MAGI2: variants seen among roughly 807,000 people sequenced by gnomAD.
MAGI2 encodes membrane associated guanylate kinase, WW and PDZ domain containing 2, also known as membrane-associated guanylate kinase, WW and PDZ domain-containing protein 2.
In MAGI2, 35 loss-of-function variants were observed where a neutral mutation model predicts 133.3. That is an observed-to-expected ratio of 0.26 (90% CI 0.20 to 0.35). The LOEUF (loss-of-function observed/expected upper bound fraction) is 0.35. Ranked by LOEUF, MAGI2 falls within the 10% of genes least tolerant of loss-of-function variation. MAGI2 has a pLI of 1.00. For synonymous variants in MAGI2, 729 were observed against 710.6 expected, an observed-to-expected ratio of 1.03 and a Z score of -0.41; for missense variants, 1,636 against 1,863.4, an observed-to-expected ratio of 0.88 and a Z score of 2.25.
intron 1 of MAGI2, among the ~76,000 whole-genome samples, chr7:79,369,500 T>C (rs1842929038): frequency 6.6e-6 from 1 of 152,144 alleles, no homozygotes; most frequent in African/African-American, 2.4e-5. Context: ...TATAAAAACC[T>C]GTTGTAGAGA....
rs1053087195 is a variant in MAGI2, at chr7:78,382,888, C to G, written c.1046-13675G>C. On this transcript the variant is annotated intron_variant, in intron 6 of 21. Coordinates refer to ENST00000354212, the MANE Select transcript of MAGI2 (RefSeq NM_012301.4). ...TGTCTTTTTGTGCTGGCTTACTCCA[C>G]GTAAGATAATGACCTCAAGTTCCAT... is the stretch of plus-strand genomic sequence containing the variant. Among the ~76,000 whole-genome samples, 6 of 152,056 alleles carry G rather than the reference C, an allele frequency of 3.9e-5. No homozygotes were observed. The South Asian group carries it at 6.2e-4, about 16-fold the overall frequency.
intron 2 of MAGI2, among the ~76,000 whole-genome samples, chr7:78,809,824 C>A (rs1442176087): frequency 6.6e-6 from 1 of 152,092 alleles, no homozygotes; most frequent in Admixed American, 6.5e-5. Context: ...TTGACTTAAA[C>A]AGATTGTTTG....
Position 79,107,932 on chromosome 7 carries a change from G to A in MAGI2, c.302-100726C>T, listed in dbSNP as rs1241404532. On this transcript the variant is annotated intron_variant, in intron 1 of 21. Transcript: ENST00000354212. Reference sequence around the variant, plus strand: ...TATACCCACAGATTCTAATTCTATGGTTTAAACTTCTGGAAGATAAAAGTT... The same window carrying A: ...TATACCCACAGATTCTAATTCTATGATTTAAACTTCTGGAAGATAAAAGTT... Among the ~76,000 whole-genome samples, 3 of 152,136 alleles carry A rather than the reference G, an allele frequency of 2.0e-5. No homozygotes were observed. The South Asian group carries it at 6.3e-4, about 32-fold the overall frequency.
Position 78,291,487 on chromosome 7 carries a change from G to A in MAGI2, c.1409-34906C>T, listed in dbSNP as rs944086737. Among the ~76,000 whole-genome samples, 5 of 152,046 alleles carry A rather than the reference G, an allele frequency of 3.3e-5. No homozygotes were observed. In the South Asian group the frequency reaches 6.2e-4, roughly 19 times the overall value. The stretch of plus-strand genomic sequence containing the variant: ...TCCAGGACCAGATGGATTCACAGCC[G>A]AATTCTACCAGAGGTACAAGGAGGA... On this transcript the variant is annotated intron_variant, in intron 9 of 21. Transcript: ENST00000354212.
chr7:78,219,108 C>T (rs1788550531), intron 10 of MAGI2, among the ~76,000 whole-genome samples: 1 of 152,256 alleles, frequency 6.6e-6, no homozygotes, highest in South Asian at 2.1e-4. Context: ...GGAGAACGTG[C>T]CTCGTCTACC....
intron 1 of MAGI2, among the ~76,000 whole-genome samples, chr7:79,295,825 T>C (rs1027190671): frequency 7.2e-5 from 11 of 152,070 alleles, no homozygotes; most frequent in Non-Finnish European, 1.3e-4. Flanking sequence ...ATTAGATATA[T>C]CATAATTTTA....
chr7:78,249,761 G>C (rs564930532), intron 10 of MAGI2, among the ~76,000 whole-genome samples: 2 of 152,074 alleles, frequency 1.3e-5, no homozygotes, highest in African/African-American at 4.8e-5. Flanking sequence ...GTTACTGTTA[G>C]GAGAAAATAG....
intron 13 of MAGI2, among the ~76,000 whole-genome samples, chr7:78,179,444 G>A (rs1212061474): frequency 6.6e-6 from 1 of 152,188 alleles, no homozygotes; most frequent in Non-Finnish European, 1.5e-5. Context: ...AATTATACAG[G>A]CTTGCCTTGG....
intron 4 of MAGI2, among the ~76,000 whole-genome samples, chr7:78,506,234 T>C (rs1795071161): frequency 6.6e-6 from 1 of 152,058 alleles, no homozygotes; most frequent in Admixed American, 6.6e-5. Context: ...TAACCTGCCA[T>C]GGTGGGTGGC....
chr7:78,440,158 A>G (rs77390847), intron 6 of MAGI2, among the ~76,000 whole-genome samples: 136,255 of 151,840 alleles, frequency 0.9, 62,202 homozygotes, highest in East Asian at 0.98. Flanking sequence ...CCTGCCATAG[A>G]TTCTGACTAT....
At chr7:79,393,329 A>G (rs180813337) in intron 1 of MAGI2, among the ~76,000 whole-genome samples, 163 of 152,334 alleles carry the variant, frequency 1.1e-3, no homozygotes, top group Middle Eastern at 3.4e-3. Flanking sequence ...AAGGGAAAAA[A>G]CAAGCTTCTT....
At chr7:78,831,900 T>C (rs1791191403) in intron 2 of MAGI2, among the ~76,000 whole-genome samples, 1 of 152,166 alleles carries the variant, frequency 6.6e-6, no homozygotes, top group African/African-American at 2.4e-5. Flanking sequence ...GAAATTTATT[T>C]ATACTGGTGG....
intron 1 of MAGI2, among the ~76,000 whole-genome samples, chr7:79,401,488 G>A (rs767396894): frequency 7.2e-5 from 11 of 152,092 alleles, no homozygotes; most frequent in Non-Finnish European, 1.3e-4. Context: ...GTGCCATATT[G>A]CCTGTTTGTT....
chr7:79,073,631 C>T (rs1815196388), intron 1 of MAGI2, among the ~76,000 whole-genome samples: 1 of 151,990 alleles, frequency 6.6e-6, no homozygotes, highest in Non-Finnish European at 1.5e-5. Context: ...GTTCATTTTG[C>T]ACAATACTGC....
intron 10 of MAGI2, chr7:78,255,203 T>A (rs575567423): frequency 6.6e-6 from 1 of 152,444 alleles, no homozygotes; most frequent in African/African-American, 2.4e-5. Context: ...ACAGAAAAGG[T>A]AGAGGGGAAG....
In MAGI2 at chr7:79,279,189, C is replaced by T. The variant is rs566444416; in HGVS notation, c.301+173831G>A. On this transcript the variant is annotated intron_variant, in intron 1 of 21. Coordinates refer to ENST00000354212, the MANE Select transcript of MAGI2 (RefSeq NM_012301.4). ...CTTCTGAGTTTTTACAGGCTTCTCT[C>T]CTTACAAAAAACGTCCCTCACTTAT... Among the ~76,000 whole-genome samples, 12 of 152,174 alleles carry T rather than the reference C, an allele frequency of 7.9e-5. No individual in the cohort carries two copies. In the East Asian group the frequency reaches 2.3e-3, roughly 29 times the overall value.
At chr7:78,459,861 A>G (rs764121043) in intron 6 of MAGI2, among the ~76,000 whole-genome samples, 2 of 152,264 alleles carry the variant, frequency 1.3e-5, no homozygotes, top group African/African-American at 2.4e-5. Context: ...AAAACATAGA[A>G]GTACCTCTAA....
At chr7:78,463,820 T>A (rs1025842817) in intron 6 of MAGI2, among the ~76,000 whole-genome samples, 1 of 152,138 alleles carries the variant, frequency 6.6e-6, no homozygotes, top group African/African-American at 2.4e-5. Flanking sequence ...ATTTGTTGCA[T>A]AATATAGCAA....
At chr7:78,483,955 T>C (rs1792700551) in intron 6 of MAGI2, among the ~76,000 whole-genome samples, 1 of 151,964 alleles carries the variant, frequency 6.6e-6, no homozygotes, top group African/African-American at 2.4e-5. Flanking sequence ...GCAAACATAA[T>C]CTTAGCAGGT....
Sources: gnomAD v4.1 joint callset for allele counts (sites outside exome capture counted in the v4.1 genomes callset) on GRCh38, gnomAD v4.1.1 for gene constraint, MANE v1.5 for transcripts, NCBI Gene and HGNC (gene_info 2026-07-23, HGNC 2026-07-21) for gene names.